Variants in DAB2IP observed in about 807,000 individuals in gnomAD.
DAB2IP encodes the protein DAB2 interacting protein.
Under a neutral mutation model 107.2 loss-of-function variants are expected in DAB2IP, and 28 were observed. That is an observed-to-expected ratio of 0.26 (90% CI 0.19 to 0.36). The LOEUF (loss-of-function observed/expected upper bound fraction) is 0.36, where lower values mean the gene tolerates loss of function less well. DAB2IP is among the 10% of genes least tolerant of loss of function. The probability of loss-of-function intolerance (pLI) is 1.00; values close to 1 mark genes in which losing one functional copy is unlikely to be tolerated. For synonymous variants in DAB2IP, 755 were observed against 706.4 expected (o/e 1.07, Z -1.09); for missense variants, 1,400 against 1,644.7 (o/e 0.85, Z 2.57).
intron 3 of DAB2IP, among the ~76,000 whole-genome samples, chr9:121,749,070 C>G (rs1431733937): frequency 6.6e-6 from 1 of 152,190 alleles, no homozygotes; most frequent in East Asian, 1.9e-4. Context: ...ACCTTTCTGC[C>G]TTTTTAGGAC....
chr9:121,683,139 A>G (rs562083662), intron 2 of DAB2IP, among the ~76,000 whole-genome samples: 1 of 152,248 alleles, frequency 6.6e-6, no homozygotes, highest in African/African-American at 2.4e-5. Flanking sequence ...TGCATAGACC[A>G]ATGGTCAGAC....
intron 3 of DAB2IP, among the ~76,000 whole-genome samples, chr9:121,750,227 G>A (rs547632948): frequency 1.3e-5 from 2 of 152,340 alleles, no homozygotes; most frequent in East Asian, 1.9e-4. Flanking sequence ...ATAGAGACTC[G>A]GTTTGCTCTG....
chr9:121,766,380 C>A, intron 8 of DAB2IP, 114 bp from the exon 9 acceptor site: 1 of 934,928 alleles, frequency 1.1e-6, no homozygotes, highest in African/African-American at 1.6e-5. Context: ...GCGGGGCTGA[C>A]CTCACGCAGC....
chr9:121,641,822 CCT>C (rs1455769642), intron 1 of DAB2IP, among the ~76,000 whole-genome samples: 1 of 151,750 alleles, frequency 6.6e-6, no homozygotes, highest in Non-Finnish European at 1.5e-5. Flanking sequence ...CTTCTTCCTT[CCT>C]CTTTCTTTCT....
At chr9:121,781,627 C>A in intron 15 of DAB2IP, 76 bp downstream of exon 15, 2 of 1,420,506 alleles carry the variant, frequency 1.4e-6, no homozygotes, top group Non-Finnish European at 2.0e-6. Flanking sequence ...GCCTCTCCAT[C>A]CTCAGTCATA....
At chr9:121,596,060 C>T (rs1406901476) in intron 1 of DAB2IP, among the ~76,000 whole-genome samples, 1 of 152,128 alleles carries the variant, frequency 6.6e-6, no homozygotes, top group African/African-American at 2.4e-5. Context: ...GTGGCTCATG[C>T]CTGTAATCCC....
At chr9:121,758,187 C>T (rs1833629803) in intron 4 of DAB2IP, among the ~76,000 whole-genome samples, 1 of 152,130 alleles carries the variant, frequency 6.6e-6, no homozygotes, top group African/African-American at 2.4e-5. Flanking sequence ...GGGTCTGCTG[C>T]TGGGGACAGT....
chr9:121,754,611 A>G (rs567017583), intron 3 of DAB2IP, among the ~76,000 whole-genome samples: 1 of 152,298 alleles, frequency 6.6e-6, no homozygotes, highest in South Asian at 2.1e-4. Flanking sequence ...GCTTCCCTAC[A>G]GCCCTCTCTT....
intron 3 of DAB2IP, among the ~76,000 whole-genome samples, chr9:121,733,489 G>A (rs569456142): frequency 3.2e-4 from 49 of 152,352 alleles, no homozygotes; most frequent in African/African-American, 1.1e-3. Context: ...TCTGAAAGAA[G>A]ATAAGACAGG....
intron 1 of DAB2IP, among the ~76,000 whole-genome samples, chr9:121,607,003 G>A (rs1185207446): frequency 6.6e-6 from 1 of 152,108 alleles, no homozygotes; most frequent in Non-Finnish European, 1.5e-5. Context: ...TCAAACTCCT[G>A]ACCTTAAGTG....
At chr9:121,664,098 A>G (rs1833319311) in intron 1 of DAB2IP, among the ~76,000 whole-genome samples, 1 of 152,234 alleles carries the variant, frequency 6.6e-6, no homozygotes. Context: ...TTTTTATTAC[A>G]TAGAGACAAC....
chr9:121,766,404 C>G, intron 8 of DAB2IP, 90 bp from the exon 9 acceptor site: 1 of 1,267,264 alleles, frequency 7.9e-7, no homozygotes, highest in Non-Finnish European at 1.1e-6. Flanking sequence ...CGGGGTAGAG[C>G]CAAGGTTGGA....
intron 1 of DAB2IP, among the ~76,000 whole-genome samples, chr9:121,592,065 T>C (rs1165801360): frequency 2.6e-5 from 4 of 152,014 alleles, no homozygotes; most frequent in African/African-American, 9.7e-5. Flanking sequence ...CCGAGAGCCA[T>C]TAGGAAATAC....
Position 121,635,037 on chromosome 9 carries a change from C to T in DAB2IP, c.41-43641C>T, listed in dbSNP as rs1484604779. Among the ~76,000 whole-genome samples, 1 of 151,942 alleles carries T rather than the reference C, an allele frequency of 6.6e-6. No individual in the cohort carries two copies. Among genetic ancestry groups the T allele is most frequent in the South Asian group, 2.1e-4 (1 of 4,818 alleles). On this transcript the variant is annotated intron_variant, in intron 1 of 16. Transcript: ENST00000259371. This position sits in a 1 kb window ranked among gnomAD's most constrained non-coding sequence, Gnocchi z 4.3. ...GTATATGTGTGTGTGTGTGCGCGTG[C>T]GTGTGTATGTGTGTGTGCATGTGCG... is the stretch of plus-strand genomic sequence containing the variant.
intron 1 of DAB2IP, among the ~76,000 whole-genome samples, chr9:121,580,486 C>A (rs1036132616): frequency 1.3e-5 from 2 of 152,066 alleles, no homozygotes; most frequent in Non-Finnish European, 2.9e-5. Flanking sequence ...CCAGCCTGGG[C>A]AACACAGGGA....
At chr9:121,583,109 C>A (rs560407156) in intron 1 of DAB2IP, among the ~76,000 whole-genome samples, 3 of 152,212 alleles carry the variant, frequency 2.0e-5, no homozygotes, top group Admixed American at 6.5e-5. Context: ...AGAAGCTGGC[C>A]GGCCGCGGTG....
intron 1 of DAB2IP, among the ~76,000 whole-genome samples, chr9:121,636,364 G>C (rs1832088333): frequency 6.6e-6 from 1 of 152,210 alleles, no homozygotes; most frequent in Non-Finnish European, 1.5e-5. Context: ...TGACTGAGAA[G>C]AAGGAAACAA....
intron 14 of DAB2IP, among the ~76,000 whole-genome samples, chr9:121,777,553 G>A (rs1835291014): frequency 6.6e-6 from 1 of 152,214 alleles, no homozygotes; most frequent in Admixed American, 6.5e-5. Context: ...TGAATTCAGA[G>A]ACTTGCTTAA....
At chr9:121,732,063 G>C (rs1242134354) in intron 3 of DAB2IP, among the ~76,000 whole-genome samples, 1 of 152,140 alleles carries the variant, frequency 6.6e-6, no homozygotes, top group Non-Finnish European at 1.5e-5. Flanking sequence ...GGGCTGAGGG[G>C]ACTGCCCAGG....
Sources: gnomAD v4.1 joint callset for allele counts (sites outside exome capture counted in the v4.1 genomes callset) on GRCh38, gnomAD v4.1.1 for gene constraint, Gnocchi (gnomAD v3.1) non-coding constraint, MANE v1.5 for transcripts, NCBI Gene and HGNC (gene_info 2026-07-23, HGNC 2026-07-21) for gene names.